Variants in PCDH17 observed in about 807,000 individuals in gnomAD.
PCDH17 encodes the protein protocadherin 17.
PCDH17 carries 21 observed loss-of-function variants against 67.7 expected under a neutral mutation model. That is an observed-to-expected ratio of 0.31 (90% CI 0.22 to 0.45). The LOEUF is 0.45. Ranked by LOEUF, PCDH17 falls within the 20% of genes least tolerant of loss-of-function variation. The pLI, the probability that PCDH17 is intolerant of heterozygous loss-of-function variation, is 1.00. For missense variants in PCDH17, 1,471 were observed against 1,564.8 expected, an observed-to-expected ratio of 0.94 and a Z score of 1.01; for synonymous variants, 701 against 656.7, an observed-to-expected ratio of 1.07 and a Z score of -1.03.
chr13:57,653,689 A>G (rs897794799), intron 1 of PCDH17, among the ~76,000 whole-genome samples: 2 of 152,130 alleles, frequency 1.3e-5, no homozygotes, highest in African/African-American at 2.4e-5. Context: ...ACAAAGGAGT[A>G]AGTTCTGGGT....
In PCDH17 at chr13:57,632,431, C is replaced by A. The variant is rs1033235260; in HGVS notation, c.-116C>A. 5.7e-6 allele frequency: 6 copies of A among 1,046,232 alleles called. No individual in the cohort carries two copies. The Admixed American group carries it at 1.6e-4, about 27-fold the overall frequency. 64.8% of individuals were successfully genotyped at this position (1,046,232 alleles called of 1,614,324 possible). ...TCGGGTGCAGAGGGAAAAAAGGACC[C>A]ATAGACTTGTGGCTCGCGTCGCGCG... On this transcript the variant is annotated 5_prime_UTR_variant, in exon 1 of 4. Coordinates refer to ENST00000377918, the MANE Select transcript of PCDH17 (RefSeq NM_001040429.3).
At position 57,633,137 on chromosome 13, in the gene PCDH17, C is replaced by T. The variant is rs1954753393; in HGVS notation, c.591C>T (p.Ile197=). The T allele has an allele frequency of 6.2e-7, 1 of 1,613,546 alleles. No homozygotes were observed. The highest frequency in any genetic ancestry group is 1.7e-5 in the Admixed American group (1 of 60,024). ...GDGTKFPELV[I]QKALDREQQN... ...GCACCAAGTTCCCAGAACTGGTCAT[C>T]CAGAAGGCTCTGGACCGCGAGCAAC... Residue 197 remains isoleucine (I), a synonymous_variant, in exon 1 of 4, where the codon ATC becomes ATT. Transcript: ENST00000377918. This position sits in a 1 kb window ranked among gnomAD's most constrained non-coding sequence, Gnocchi z 6.2.
chr13:57,721,713 C>A (rs1441878828), intron 3 of PCDH17, among the ~76,000 whole-genome samples: 2 of 151,950 alleles, frequency 1.3e-5, no homozygotes, highest in Non-Finnish European at 2.9e-5. Context: ...CTTCATCTAC[C>A]CCCAGCCCTT....
chr13:57,639,413 A>G (rs977319798), intron 1 of PCDH17, among the ~76,000 whole-genome samples: 2 of 151,858 alleles, frequency 1.3e-5, no homozygotes, highest in East Asian at 3.9e-4. Flanking sequence ...TTTTATATGC[A>G]TTTATGAAAA....
intron 1 of PCDH17, among the ~76,000 whole-genome samples, chr13:57,654,552 G>T: frequency 6.6e-6 from 1 of 152,012 alleles, no homozygotes; most frequent in East Asian, 1.9e-4. Context: ...CATTAAGTAA[G>T]ATTGCTTGTT....
At chr13:57,643,306 TATA>T (rs1192092058) in intron 1 of PCDH17, among the ~76,000 whole-genome samples, 1 of 151,548 alleles carries the variant, frequency 6.6e-6, no homozygotes, top group African/African-American at 2.4e-5. Context: ...TTTAGCAAAA[TATA>T]ATAAGAAAAA....
intron 3 of PCDH17, among the ~76,000 whole-genome samples, chr13:57,675,028 T>C (rs1044887275): frequency 1.3e-5 from 2 of 152,036 alleles, no homozygotes; most frequent in South Asian, 4.1e-4. Context: ...GCCATTCCCG[T>C]AACACACAAT....
intron 1 of PCDH17, among the ~76,000 whole-genome samples, chr13:57,655,255 T>C (rs931501943): frequency 1.3e-5 from 2 of 152,038 alleles, no homozygotes; most frequent in Non-Finnish European, 2.9e-5. Context: ...AATTTGTTGA[T>C]ATTTTTAATT....
upstream of PCDH17, among the ~76,000 whole-genome samples, chr13:57,631,130 G>C (rs534381285): frequency 1.3e-5 from 2 of 151,156 alleles, no homozygotes; most frequent in South Asian, 4.2e-4. Flanking sequence ...CCTACTATAA[G>C]AGAAAATTGA....
At chr13:57,672,867 C>T (rs1214476642) in intron 3 of PCDH17, among the ~76,000 whole-genome samples, 3 of 151,854 alleles carry the variant, frequency 2.0e-5, no homozygotes, top group Non-Finnish European at 4.4e-5. Flanking sequence ...TCCTGTGGCC[C>T]AATAGCAAGA....
chr13:57,676,195 T>C, intron 3 of PCDH17, among the ~76,000 whole-genome samples: 1 of 151,878 alleles, frequency 6.6e-6, no homozygotes, highest in South Asian at 2.1e-4. Flanking sequence ...ATGTGGAACA[T>C]TTGAAATTTT....
chr13:57,658,901 G>A (rs747078466), intron 1 of PCDH17, among the ~76,000 whole-genome samples: 24 of 151,872 alleles, frequency 1.6e-4, no homozygotes, highest in Non-Finnish European at 2.9e-4. Flanking sequence ...TGCCTCAGCC[G>A]CCATCTCTAC....
intron 3 of PCDH17, among the ~76,000 whole-genome samples, chr13:57,717,589 A>G (rs939939378): frequency 6.6e-6 from 1 of 151,972 alleles, no homozygotes; most frequent in Non-Finnish European, 1.5e-5. Context: ...TCACTTGCTT[A>G]TGATATAGGA....
intron 1 of PCDH17, among the ~76,000 whole-genome samples, chr13:57,659,439 A>G (rs1955156538): frequency 1.3e-5 from 2 of 152,130 alleles, no homozygotes. Context: ...CCATACACTC[A>G]TCCAGTTACC....
chr13:57,666,482 C>T lies in PCDH17; in HGVS notation c.2580C>T (p.Pro860=). 4 of 1,613,690 alleles carry T rather than the reference C, an allele frequency of 2.5e-6. No homozygotes were observed. Among genetic ancestry groups the T allele is most frequent in the Admixed American group, 1.7e-5 (1 of 59,916 alleles). Residue 860 remains proline (P), a synonymous_variant, in exon 2 of 4, where the codon CCC becomes CCT. Coordinates refer to ENST00000377918, the MANE Select transcript of PCDH17 (RefSeq NM_001040429.3). ...CTCTTTCACAGACAGACAATTTTCC[C>T]GCAGAGCCCAATTACATGGGCAGCA... ...RMSIIQTDNF[P]AEPNYMGSRQ... is the part of the protein sequence containing the mutation.
intron 3 of PCDH17, among the ~76,000 whole-genome samples, chr13:57,712,842 C>T (rs1437773221): frequency 6.6e-6 from 1 of 151,298 alleles, no homozygotes; most frequent in African/African-American, 2.4e-5. Context: ...TATTTATTTT[C>T]TTGTTAAAAT....
At chr13:57,651,668 A>G (rs949450332) in intron 1 of PCDH17, among the ~76,000 whole-genome samples, 3 of 152,080 alleles carry the variant, frequency 2.0e-5, no homozygotes, top group Non-Finnish European at 4.4e-5. Flanking sequence ...ACTTAAAAAT[A>G]TATATATTAG....
Position 57,724,941 on chromosome 13 carries a change from T to C in PCDH17, c.3127T>C (p.Cys1043Arg). ...AGCATCAAGCAGCCCAACCAAGGCG[T>C]GCATCGAGCCTTGCACCTCAACAAA... ...PSASSSPTKA[C>R]IEPCTSTKGS... Residue 1043 changes from cysteine to arginine, a missense_variant, in exon 4 of 4, where the codon TGC becomes CGC. Cys to Arg is a radical substitution (Grantham distance 180, BLOSUM62 -3). Coordinates refer to ENST00000377918, the MANE Select transcript of PCDH17 (RefSeq NM_001040429.3). 6.2e-7 allele frequency: 1 copy of C among 1,614,158 alleles called. No individual in the cohort carries two copies. The highest frequency in any genetic ancestry group is 8.5e-7 in the Non-Finnish European group (1 of 1,180,006).
chr13:57,670,119 C>T (rs888711833), intron 3 of PCDH17, among the ~76,000 whole-genome samples: 1 of 151,854 alleles, frequency 6.6e-6, no homozygotes, highest in Admixed American at 6.6e-5. Context: ...CATTCAAAGC[C>T]TGCCCTTTCA....
Sources: gnomAD v4.1 joint callset for allele counts (sites outside exome capture counted in the v4.1 genomes callset) on GRCh38, gnomAD v4.1.1 for gene constraint, Gnocchi (gnomAD v3.1) non-coding constraint, MANE v1.5 for transcripts, NCBI Gene and HGNC (gene_info 2026-07-23, HGNC 2026-07-21) for gene names.